The following C2CD5 variants were observed in gnomAD, a reference collection of about 807,000 sequenced individuals.
C2CD5 encodes the protein C2 domain-containing protein 5.
C2CD5 carries 109 observed loss-of-function variants against 130.3 expected under a neutral mutation model. The ratio of observed to expected loss-of-function variants is 0.84; its 90% CI spans 0.72 to 0.98. The LOEUF (loss-of-function observed/expected upper bound fraction) is 0.98. Among genes scored for constraint, C2CD5 ranks in the 50% least tolerant of loss-of-function variants. The pLI is 0.00. For synonymous variants in C2CD5, 454 were observed against 429.2 expected, an observed-to-expected ratio of 1.06 and a Z score of -0.71; for missense variants, 996 against 1,261.8, an observed-to-expected ratio of 0.79 and a Z score of 3.19.
chr12:22,450,100 A>G (rs990432360), intron 26 of C2CD5, among the ~76,000 whole-genome samples: 38 of 152,236 alleles, frequency 2.5e-4, no homozygotes, highest in African/African-American at 8.4e-4. Flanking sequence ...ATATGAAAAC[A>G]TATTCAAGCC....
intron 7 of C2CD5, among the ~76,000 whole-genome samples, chr12:22,518,620 T>C (rs1019544264): frequency 3.3e-5 from 5 of 152,138 alleles, no homozygotes; most frequent in African/African-American, 1.2e-4. Context: ...GAAAAATGAA[T>C]ACAGCTACAC....
rs776430855 is a variant in C2CD5 at position 22,464,707 on chromosome 12, G to GT, written c.2533+5001dup. On this transcript the variant is annotated intron_variant, in intron 22 of 26. Transcript: ENST00000446597. ...TCCAATAACATCAAGAATTTTAACT[G>GT]TTTTTTATTGTTGCTGCCACTTGGT... 3.7e-4 allele frequency among the ~76,000 whole-genome samples: 57 copies of GT among 152,086 alleles called. 1 individual carries two copies. The highest frequency in any genetic ancestry group is 2.5e-3 in the East Asian group (13 of 5,180).
At chr12:22,488,829 T>A (rs1182254057) in intron 12 of C2CD5, among the ~76,000 whole-genome samples, 2 of 151,860 alleles carry the variant, frequency 1.3e-5, no homozygotes, top group African/African-American at 4.8e-5. Flanking sequence ...TAGTTATAAA[T>A]GCGTGCAAGT....
At chr12:22,527,317 C>CATATATATATAT (rs996090197) in intron 4 of C2CD5, among the ~76,000 whole-genome samples, 1 of 131,722 alleles carries the variant, frequency 7.6e-6, no homozygotes, top group African/African-American at 3.0e-5. Context: ...ATATTATATA[C>CATATATATATAT]ATATATATAT....
At chr12:22,537,743 C>T (rs1039494020) in intron 2 of C2CD5, among the ~76,000 whole-genome samples, 5 of 152,122 alleles carry the variant, frequency 3.3e-5, no homozygotes, top group African/African-American at 9.7e-5. Context: ...ATGTAGAGAC[C>T]TAGCAAAATG....
At chr12:22,483,732 T>C (rs1945057920) in intron 13 of C2CD5, among the ~76,000 whole-genome samples, 1 of 152,062 alleles carries the variant, frequency 6.6e-6, no homozygotes, top group Admixed American at 6.6e-5. Context: ...ATAAATTTGA[T>C]GTGGGGAGGT....
Position 22,482,661 on chromosome 12 carries a change from C to G in C2CD5, c.1633G>C (p.Val545Leu). Residue 545 changes from valine (V) to leucine (L), a missense_variant, in exon 14 of 27, where the codon GTG becomes CTG. Around this residue, in one of 9 missense-constraint regions of C2CD5, gnomAD observed 590 missense variants for 631.4 expected, o/e 0.93. Transcript: ENST00000446597. Reference sequence around the variant, plus strand: ...AGTTTATTCATTAGCTGAGTATGCACTTCATATTCCATAAATGGCAAGAGA... The same window carrying G: ...AGTTTATTCATTAGCTGAGTATGCAGTTCATATTCCATAAATGGCAAGAGA... ...SNLLPFMEYE[V>L]HTQLMNKLKL... is the part of the protein sequence containing the mutation. 6.2e-7 allele frequency: 1 copy of G among 1,612,722 alleles called. No homozygotes were observed. Among genetic ancestry groups the G allele is most frequent in the African/African-American group, 1.3e-5 (1 of 75,022 alleles).
At chr12:22,532,070 C>T (rs1380526777) in intron 3 of C2CD5, among the ~76,000 whole-genome samples, 4 of 152,126 alleles carry the variant, frequency 2.6e-5, no homozygotes, top group Non-Finnish European at 5.9e-5. Flanking sequence ...GGGCATTACG[C>T]CTGTAATCCC....
intron 3 of C2CD5, among the ~76,000 whole-genome samples, chr12:22,529,863 GCCTGGAA>G (rs1351467327): frequency 6.6e-6 from 1 of 151,606 alleles, no homozygotes. Context: ...CCTTCTGCCA[GCCTGGAA>G]CACTCATGTG....
chr12:22,509,723 ATAAC>A (rs537551727), intron 9 of C2CD5, among the ~76,000 whole-genome samples: 52 of 152,206 alleles, frequency 3.4e-4, no homozygotes, highest in Non-Finnish European at 6.8e-4. Context: ...CTTGTGCTGT[ATAAC>A]CTTTCCCATA....
At chr12:22,483,831 A>AT (rs1047984367) in intron 13 of C2CD5, among the ~76,000 whole-genome samples, 1 of 152,174 alleles carries the variant, frequency 6.6e-6, no homozygotes, top group African/African-American at 2.4e-5. Context: ...GAAAAGGCTA[A>AT]TAAGAAAAGT....
intron 2 of C2CD5, among the ~76,000 whole-genome samples, chr12:22,535,772 C>T (rs529511971): frequency 8.5e-5 from 13 of 152,306 alleles, no homozygotes; most frequent in African/African-American, 2.9e-4. Flanking sequence ...ACTTATCAGG[C>T]TGGCAAAGAC....
At chr12:22,461,174 C>G (rs2136050309) in intron 22 of C2CD5, among the ~76,000 whole-genome samples, 2 of 152,264 alleles carry the variant, frequency 1.3e-5, no homozygotes, top group South Asian at 4.1e-4. Flanking sequence ...GAAACAGACT[C>G]AATGGAGAGA....
chr12:22,502,111 CTGTT>C (rs1947880755), intron 10 of C2CD5, among the ~76,000 whole-genome samples: 1 of 151,926 alleles, frequency 6.6e-6, no homozygotes, highest in East Asian at 1.9e-4. Context: ...CTATCGTAGT[CTGTT>C]TATTTAAAAG....
At chr12:22,498,092 A>G (rs1289895661) in intron 10 of C2CD5, among the ~76,000 whole-genome samples, 2 of 152,158 alleles carry the variant, frequency 1.3e-5, no homozygotes, top group Admixed American at 6.5e-5. Context: ...CAAAAGCTGT[A>G]TAAGTACTTT....
intron 8 of C2CD5, chr12:22,514,941 G>A (rs1487315935): frequency 1.0e-6 from 1 of 978,148 alleles, no homozygotes; most frequent in Non-Finnish European, 1.2e-6. Flanking sequence ...TTAAAAAGCT[G>A]ACATAATGTG....
chr12:22,457,277 T>A, intron 24 of C2CD5, 116 bp from the exon 25 acceptor site: 1 of 603,904 alleles, frequency 1.7e-6, no homozygotes. Context: ...CTAAGCCATG[T>A]CATGAAAGAA....
chr12:22,500,347 T>A (rs1947603626), intron 10 of C2CD5, among the ~76,000 whole-genome samples: 1 of 151,880 alleles, frequency 6.6e-6, no homozygotes, highest in Non-Finnish European at 1.5e-5. Flanking sequence ...ATCAAATGAG[T>A]ACTGGCTAGG....
chr12:22,515,549 C>A (rs776704245), intron 8 of C2CD5, among the ~76,000 whole-genome samples: 2 of 152,032 alleles, frequency 1.3e-5, no homozygotes, highest in Non-Finnish European at 2.9e-5. Context: ...AAAATATAAA[C>A]ACTTATTTAA....
Sources: gnomAD v4.1 joint callset for allele counts (sites outside exome capture counted in the v4.1 genomes callset) on GRCh38, gnomAD v4.1.1 for gene constraint, gnomAD v4.1.1 regional missense constraint, MANE v1.5 for transcripts, NCBI Gene and HGNC (gene_info 2026-07-23, HGNC 2026-07-21) for gene names.